The following COX7B2 variants were observed in gnomAD, a reference collection of about 807,000 sequenced individuals.
The protein encoded by COX7B2 is cytochrome c oxidase subunit 7B2, mitochondrial.
For missense variants in COX7B2, 109 were observed against 95.9 expected, an observed-to-expected ratio of 1.14 and a Z score of -0.57; for synonymous variants, 37 against 32.1, an observed-to-expected ratio of 1.15 and a Z score of -0.51.
In COX7B2 at chr4:46,909,162, A is replaced by AG. The variant is rs1720595520; in HGVS notation, c.-108dup. Reference sequence around the variant, plus strand: ...ACCCCAGAATGAGACAAACTTACCAAGGACGTCACAGGTAACAGGCAAAAA... The same window carrying AG: ...ACCCCAGAATGAGACAAACTTACCAAGGGACGTCACAGGTAACAGGCAAAAA... On this transcript the variant is annotated 5_prime_UTR_variant, in exon 1 of 3. Coordinates refer to ENST00000355591, the MANE Select transcript of COX7B2 (RefSeq NM_130902.3). 6.6e-6 allele frequency: 1 copy of AG among 152,246 alleles called. No individual in the cohort carries two copies. The highest frequency in any genetic ancestry group is 2.4e-5 in the African/African-American group (1 of 41,458). The allele number at this position is 152,246 out of a possible 1,614,324, so 9.4% of individuals were successfully genotyped here.
chr4:46,767,326 T>C (rs1716601065), intron 2 of COX7B2, among the ~76,000 whole-genome samples: 1 of 152,200 alleles, frequency 6.6e-6, no homozygotes, highest in Non-Finnish European at 1.5e-5. Flanking sequence ...ATTGTAAATA[T>C]TTATGCACTC....
chr4:46,877,694 G>C (rs1320981032), intron 1 of COX7B2, among the ~76,000 whole-genome samples: 1 of 152,120 alleles, frequency 6.6e-6, no homozygotes, highest in Non-Finnish European at 1.5e-5. Flanking sequence ...ATACCTGTTA[G>C]AATAGGTATA....
intron 2 of COX7B2, among the ~76,000 whole-genome samples, chr4:46,801,527 G>A (rs776102030): frequency 6.6e-6 from 1 of 152,114 alleles, no homozygotes; most frequent in Non-Finnish European, 1.5e-5. Flanking sequence ...AACACTCATG[G>A]ACACAAAGAA....
chr4:46,885,014 T>C (rs1477083835), intron 1 of COX7B2, among the ~76,000 whole-genome samples: 1 of 152,108 alleles, frequency 6.6e-6, no homozygotes, highest in African/African-American at 2.4e-5. Flanking sequence ...ACATGTATTG[T>C]AAAAAAGAAA....
At chr4:46,868,670 T>C (rs891652018) in intron 1 of COX7B2, among the ~76,000 whole-genome samples, 14 of 152,192 alleles carry the variant, frequency 9.2e-5, no homozygotes, top group Non-Finnish European at 1.8e-4. Context: ...TCCACATAAT[T>C]GCATGGTTTT....
At chr4:46,741,278 T>G (rs1714688404) in intron 2 of COX7B2, among the ~76,000 whole-genome samples, 1 of 152,110 alleles carries the variant, frequency 6.6e-6, no homozygotes, top group South Asian at 2.1e-4. Context: ...TTTCCCAATC[T>G]GGATACAACT....
rs567702678 is a variant in COX7B2, at chr4:46,866,893, T to C, written c.-104-21879A>G. ...AGTTGAGTTTAACATTCAAAAATTA[T>C]ATGAACAAGTTACATGGCTATATAG... On this transcript the variant is annotated intron_variant, in intron 1 of 2. Transcript: ENST00000355591. 3.3e-5 allele frequency among the ~76,000 whole-genome samples: 5 copies of C among 152,324 alleles called. No homozygotes were observed. In the East Asian group the frequency reaches 7.7e-4, roughly 23 times the overall value.
chr4:46,763,409 C>CT (rs1471240523), intron 2 of COX7B2, among the ~76,000 whole-genome samples: 2 of 151,156 alleles, frequency 1.3e-5, no homozygotes, highest in African/African-American at 2.4e-5. Flanking sequence ...AATCCTGTTC[C>CT]TACCAGTGGT....
At chr4:46,746,526 G>T (rs9999799) in intron 2 of COX7B2, among the ~76,000 whole-genome samples, 49,786 of 152,070 alleles carry the variant, frequency 0.33, 8,406 homozygotes, top group South Asian at 0.47. Context: ...AAGATGTCCA[G>T]TATACATTGA....
intron 2 of COX7B2, among the ~76,000 whole-genome samples, chr4:46,749,494 TACTC>T (rs1439837205): frequency 2.6e-5 from 4 of 152,180 alleles, no homozygotes; most frequent in African/African-American, 9.6e-5. Flanking sequence ...CTCTTTGTTA[TACTC>T]ACTATGTGAT....
At chr4:46,770,058 A>G (rs534719028) in intron 2 of COX7B2, among the ~76,000 whole-genome samples, 2 of 152,148 alleles carry the variant, frequency 1.3e-5, no homozygotes, top group South Asian at 4.1e-4. Context: ...AAAAATTAAA[A>G]TTTTCTGTTT....
At chr4:46,776,363 A>G (rs1577691890) in intron 2 of COX7B2, among the ~76,000 whole-genome samples, 1 of 151,850 alleles carries the variant, frequency 6.6e-6, no homozygotes, top group Non-Finnish European at 1.5e-5. Flanking sequence ...AGAGGTCACT[A>G]CAAACTTTTA....
intron 1 of COX7B2, among the ~76,000 whole-genome samples, chr4:46,887,843 C>T (rs1719174016): frequency 6.6e-6 from 1 of 152,002 alleles, no homozygotes. Flanking sequence ...TTCTGCTCTG[C>T]ACCCTGCAAG....
At chr4:46,758,659 C>A (rs1715946554) in intron 2 of COX7B2, among the ~76,000 whole-genome samples, 1 of 152,110 alleles carries the variant, frequency 6.6e-6, no homozygotes, top group Admixed American at 6.6e-5. Context: ...CTATTTGCAA[C>A]AATGTGGCAG....
intron 1 of COX7B2, among the ~76,000 whole-genome samples, chr4:46,852,201 CAA>C (rs1716733469): frequency 6.6e-6 from 1 of 151,984 alleles, no homozygotes; most frequent in Non-Finnish European, 1.5e-5. Flanking sequence ...AGCAAAGACT[CAA>C]GAGCATTTTG....
In COX7B2 at chr4:46,768,601, T is replaced by C. The variant is rs73813549; in HGVS notation, c.-49-33360A>G. 3.0e-3 allele frequency among the ~76,000 whole-genome samples: 457 copies of C among 152,194 alleles called. 4 individuals are homozygous for C. The highest frequency in any genetic ancestry group is 0.01 in the African/African-American group (432 of 41,512). ...CTTTTCTATCTAGTGTTTCTCTGCT[T>C]CCTGTCTGTATCAATAAGTGCCTAC... On this transcript the variant is annotated intron_variant, in intron 2 of 2. Transcript: ENST00000355591.
At chr4:46,813,652 C>T (rs2109669223) in intron 2 of COX7B2, among the ~76,000 whole-genome samples, 1 of 152,222 alleles carries the variant, frequency 6.6e-6, no homozygotes, top group Middle Eastern at 3.4e-3. Context: ...CAGCAAACCA[C>T]CATGGCACAT....
intron 1 of COX7B2, among the ~76,000 whole-genome samples, chr4:46,895,329 T>C (rs1182741128): frequency 2.0e-5 from 3 of 152,132 alleles, no homozygotes; most frequent in Admixed American, 1.3e-4. Context: ...TGAGACCCTG[T>C]CTTTTGTGGG....
chr4:46,868,512 A>G (rs961942972), intron 1 of COX7B2, among the ~76,000 whole-genome samples: 6 of 152,188 alleles, frequency 3.9e-5, no homozygotes, highest in African/African-American at 9.7e-5. Context: ...CATTAGTCCT[A>G]TAAATTTCCC....
Sources: gnomAD v4.1 joint callset for allele counts (sites outside exome capture counted in the v4.1 genomes callset) on GRCh38, gnomAD v4.1.1 for gene constraint, MANE v1.5 for transcripts, NCBI Gene and HGNC (gene_info 2026-07-23, HGNC 2026-07-21) for gene names.